TBC1D4: variants seen among roughly 807,000 people sequenced by gnomAD.
TBC1D4 encodes TBC1 domain family member 4, also known as TBC (Tre-2, BUB2, CDC16) domain-containing protein.
A neutral mutation model predicts 142.5 loss-of-function variants in TBC1D4; 121 were observed. The observed-to-expected ratio is 0.85, with a 90% CI of 0.73 to 0.99. The LOEUF (loss-of-function observed/expected upper bound fraction) is 0.99, where lower values mean the gene tolerates loss of function less well. Among genes scored for constraint, TBC1D4 ranks in the 50% least tolerant of loss-of-function variants. TBC1D4 has a pLI of 0.00. For synonymous variants in TBC1D4, 630 were observed against 628.2 expected, an observed-to-expected ratio of 1.00 and a Z score of -0.04; for missense variants, 1,475 against 1,606.6, an observed-to-expected ratio of 0.92 and a Z score of 1.40.
intron 5 of TBC1D4, among the ~76,000 whole-genome samples, chr13:75,347,672 T>C (rs556388673): frequency 6.6e-6 from 1 of 152,338 alleles, no homozygotes; most frequent in African/African-American, 2.4e-5. Context: ...TTGGGATGGC[T>C]AATTGATCCA....
At chr13:75,339,776 C>A (rs1234133882) in intron 7 of TBC1D4, among the ~76,000 whole-genome samples, 1 of 152,036 alleles carries the variant, frequency 6.6e-6, no homozygotes, top group Non-Finnish European at 1.5e-5. Flanking sequence ...CGGGGTTTCA[C>A]TATGTTGGCC....
At chr13:75,383,895 C>T (rs1884012084) in intron 1 of TBC1D4, among the ~76,000 whole-genome samples, 2 of 152,104 alleles carry the variant, frequency 1.3e-5, no homozygotes, top group Admixed American at 6.6e-5. Flanking sequence ...TCATCTATTT[C>T]CTGGGTACAT....
chr13:75,368,238 C>T (rs1185263944), intron 1 of TBC1D4, among the ~76,000 whole-genome samples: 1 of 152,168 alleles, frequency 6.6e-6, no homozygotes, highest in Non-Finnish European at 1.5e-5. Context: ...TCACCGGTCC[C>T]CACTGTCTTA....
intron 1 of TBC1D4, among the ~76,000 whole-genome samples, chr13:75,446,209 G>T (rs981575457): frequency 6.6e-6 from 1 of 152,184 alleles, no homozygotes; most frequent in Admixed American, 6.5e-5. Context: ...TATGCTATTT[G>T]CTGGAATTAT....
At position 75,286,674 on chromosome 13, in the gene TBC1D4, G is replaced by T; in HGVS notation, c.*118C>A. ...TCCACCTGCTGTGACTAGGCGCTCA[G>T]CACCAGTATTAGGTGGTTCCATCAG... On this transcript the variant is annotated 3_prime_UTR_variant, in exon 21 of 21. Coordinates refer to ENST00000377636, the MANE Select transcript of TBC1D4 (RefSeq NM_014832.5). 1 of 1,005,118 alleles carries T rather than the reference G, an allele frequency of 9.9e-7. No individual in the cohort carries two copies. Among genetic ancestry groups the T allele is most frequent in the Non-Finnish European group, 1.5e-6 (1 of 654,336 alleles). The allele number at this position is 1,005,118 out of a possible 1,614,324, so 62.3% of individuals were successfully genotyped here.
intron 1 of TBC1D4, among the ~76,000 whole-genome samples, chr13:75,391,035 CACACACACACACA>C: frequency 7.9e-4 from 1 of 1,270 alleles, no homozygotes; most frequent in East Asian, 0.033. Context: ...TCCCCCACCA[CACACACACACACA>C]CACACACACA....
chr13:75,325,757 C>A (rs527301220), intron 10 of TBC1D4, among the ~76,000 whole-genome samples: 1 of 152,046 alleles, frequency 6.6e-6, no homozygotes, highest in Non-Finnish European at 1.5e-5. Context: ...CAAAATATAG[C>A]CAAATATTAT....
At chr13:75,368,126 G>C (rs1334271259) in intron 1 of TBC1D4, among the ~76,000 whole-genome samples, 1 of 152,156 alleles carries the variant, frequency 6.6e-6, no homozygotes, top group Non-Finnish European at 1.5e-5. Context: ...AAGTAAAATA[G>C]AAGTCTAAAA....
In TBC1D4 at chr13:75,284,321, A is replaced by T. The variant is rs1457030730; in HGVS notation, c.*2471T>A. 6.6e-6 allele frequency among the ~76,000 whole-genome samples: 1 copy of T among 152,042 alleles called. No homozygotes were observed. Among genetic ancestry groups the T allele is most frequent in the African/African-American group, 2.4e-5 (1 of 41,376 alleles). Reference sequence around the variant, plus strand: ...CTCACCATATTATTATTATATACTCACCATAATGTAGAATTAGTGGGAACC... The same window carrying T: ...CTCACCATATTATTATTATATACTCTCCATAATGTAGAATTAGTGGGAACC... On this transcript the variant is annotated 3_prime_UTR_variant, in exon 21 of 21. Transcript: ENST00000377636.
At chr13:75,332,281 A>T (rs879258911) in intron 8 of TBC1D4, among the ~76,000 whole-genome samples, 13 of 152,214 alleles carry the variant, frequency 8.5e-5, no homozygotes, top group African/African-American at 2.7e-4. Context: ...CTAACATTTA[A>T]TCCTCACAAT....
chr13:75,424,006 C>T (rs959931248), intron 1 of TBC1D4, among the ~76,000 whole-genome samples: 5 of 152,054 alleles, frequency 3.3e-5, no homozygotes, highest in South Asian at 2.1e-4. Flanking sequence ...AATTATGAGT[C>T]GCACGCTCAT....
At chr13:75,328,734 A>G (rs941694186) in intron 8 of TBC1D4, among the ~76,000 whole-genome samples, 1 of 152,228 alleles carries the variant, frequency 6.6e-6, no homozygotes, top group African/African-American at 2.4e-5. Context: ...AAATTTTTTA[A>G]CAATGCATAA....
intron 3 of TBC1D4, 134 bp from the exon 4 acceptor site, chr13:75,356,385 A>G: frequency 1.4e-6 from 1 of 719,708 alleles, no homozygotes; most frequent in Non-Finnish European, 2.5e-6. Context: ...AAGGGGGGAC[A>G]TAATGCCATA....
intron 1 of TBC1D4, among the ~76,000 whole-genome samples, chr13:75,433,575 C>T (rs1171832081): frequency 6.6e-6 from 1 of 152,120 alleles, no homozygotes; most frequent in African/African-American, 2.4e-5. Flanking sequence ...TATATAATTA[C>T]CTGCAAGAGA....
chr13:75,471,486 C>A (rs1243451455), intron 1 of TBC1D4, among the ~76,000 whole-genome samples: 2 of 152,190 alleles, frequency 1.3e-5, no homozygotes, highest in Non-Finnish European at 2.9e-5. Flanking sequence ...GCCTATAATC[C>A]CAGCACTTTG....
chr13:75,438,702 T>C (rs1886905497), intron 1 of TBC1D4, among the ~76,000 whole-genome samples: 1 of 152,234 alleles, frequency 6.6e-6, no homozygotes, highest in South Asian at 2.1e-4. Flanking sequence ...CACTTATTTT[T>C]TAAAGCAGAT....
rs760994414 is a variant in TBC1D4, at chr13:75,481,642, C to G, written c.126G>C (p.Gly42=). The stretch of plus-strand genomic sequence containing the variant: ...TGGTCCTGTGGTCCAGGCACGACCC[C>G]CCAACGTACCACAGCCGGAACCGCT... ...SDKRFRLWYV[G]GSCLDHRTTL... is the part of the protein sequence containing the mutation. The change falls in exon 1 of 21, where the codon GGG becomes GGC. Residue 42 remains glycine, a synonymous_variant. Coordinates refer to ENST00000377636, the MANE Select transcript of TBC1D4 (RefSeq NM_014832.5). The G allele has an allele frequency of 3.1e-6, 5 of 1,605,154 alleles. No individual in the cohort carries two copies. The highest frequency in any genetic ancestry group is 2.2e-5 in the East Asian group (1 of 44,586).
At chr13:75,302,017 G>A (rs1204794827) in intron 16 of TBC1D4, among the ~76,000 whole-genome samples, 2 of 152,126 alleles carry the variant, frequency 1.3e-5, no homozygotes, top group African/African-American at 4.8e-5. Flanking sequence ...GGCTCCCTTT[G>A]CAGAGGCAAA....
chr13:75,481,807 C>A lies in TBC1D4; in HGVS notation c.-40G>T, dbSNP rs904769718. 1 of 1,458,252 alleles carries A rather than the reference C, an allele frequency of 6.9e-7. No individual in the cohort carries two copies. Among genetic ancestry groups the A allele is most frequent in the East Asian group, 2.7e-5 (1 of 37,460 alleles). The allele number at this position is 1,458,252 out of a possible 1,614,324, so 90.3% of individuals were successfully genotyped here. A position where few individuals can be genotyped will look rare whatever the true frequency, so the allele number is the denominator to read the frequency against. ...CAGGGCACCGCGGAGGCCGGCCGGG[C>A]GCACCGCGCCCCCCACTCCCGCGCA... On this transcript the variant is annotated 5_prime_UTR_variant, in exon 1 of 21. Coordinates refer to ENST00000377636, the MANE Select transcript of TBC1D4 (RefSeq NM_014832.5).
Sources: allele counts gnomAD v4.1 joint callset (sites outside exome capture counted in the v4.1 genomes callset), GRCh38; gene constraint gnomAD v4.1.1; transcripts MANE v1.5; gene names NCBI Gene and HGNC (gene_info 2026-07-23, HGNC 2026-07-21).